The following MLLT1 variants were observed in gnomAD, a reference collection of about 807,000 sequenced individuals.
MLLT1 encodes protein ENL.
Under a neutral mutation model 55.1 loss-of-function variants are expected in MLLT1, and 11 were observed. The observed-to-expected ratio is 0.20, with a 90% confidence interval of 0.13 to 0.33. The LOEUF is 0.33. MLLT1 is among the 10% of genes least tolerant of loss of function. MLLT1 has a pLI of 1.00. For missense variants in MLLT1, 536 were observed against 760.6 expected (o/e 0.70, Z 3.47); for synonymous variants, 323 against 320.1 (o/e 1.01, Z -0.10).
At chr19:6,217,835 T>C (rs1021524431) in intron 7 of MLLT1, 119 bp downstream of exon 7, 18 of 1,412,534 alleles carry the variant, frequency 1.3e-5, no homozygotes, top group African/African-American at 4.4e-5. Flanking sequence ...AAACCCTCCA[T>C]GTACAGATCT....
chr19:6,225,315 G>T (rs1418001846), intron 5 of MLLT1, among the ~76,000 whole-genome samples: 2 of 152,198 alleles, frequency 1.3e-5, no homozygotes, highest in East Asian at 3.9e-4. Flanking sequence ...GGCCCCAAAA[G>T]GCCCACCTAT....
intron 5 of MLLT1, among the ~76,000 whole-genome samples, chr19:6,224,924 T>C (rs576321147): frequency 1.3e-5 from 2 of 152,158 alleles, no homozygotes; most frequent in South Asian, 4.2e-4. Flanking sequence ...AGAGACGGGG[T>C]TTCACCGTGT....
rs1334749901 is a variant in MLLT1, at chr19:6,256,099, C to T, written c.276+6129G>A. Among the ~76,000 whole-genome samples, 2 of 152,056 alleles carry T rather than the reference C, an allele frequency of 1.3e-5. No homozygotes were observed. The highest frequency in any genetic ancestry group is 3.9e-4 in the East Asian group (2 of 5,178). ...AGACACGGTGGCAGGCACCTGTAAT[C>T]CCAGCTATTCAGGAGGCTGAGGCAG... On this transcript the variant is annotated intron_variant, in intron 3 of 11. Transcript: ENST00000252674. The surrounding 1 kb of genome is among the most constrained non-coding windows in gnomAD (Gnocchi z 4.1).
chr19:6,268,261 C>T (rs938419593), intron 2 of MLLT1, among the ~76,000 whole-genome samples: 9 of 152,156 alleles, frequency 5.9e-5, no homozygotes, highest in Non-Finnish European at 1.0e-4. Context: ...ACAAAGACAA[C>T]CAACGCAAAA....
At chr19:6,260,563 A>G (rs1379555408) in intron 3 of MLLT1, among the ~76,000 whole-genome samples, 1 of 152,268 alleles carries the variant, frequency 6.6e-6, no homozygotes, top group Non-Finnish European at 1.5e-5. Context: ...CGGGCAGCCC[A>G]CGGCGGAGCC....
chr19:6,262,750 T>C lies in MLLT1; in HGVS notation c.194-440A>G, dbSNP rs893411552. ...ACCTCCAGCACGGGGGCTGAGCACC[T>C]GCTGCACCACGGACACATGCACTGG... On this transcript the variant is annotated intron_variant, in intron 2 of 11. Coordinates refer to ENST00000252674, the MANE Select transcript of MLLT1 (RefSeq NM_005934.4). This position sits in a 1 kb window ranked among gnomAD's most constrained non-coding sequence, Gnocchi z 4.4. 6.6e-6 allele frequency among the ~76,000 whole-genome samples: 1 copy of C among 152,128 alleles called. No homozygotes were observed.
chr19:6,274,226 G>C (rs540866693), intron 1 of MLLT1, among the ~76,000 whole-genome samples: 1 of 152,264 alleles, frequency 6.6e-6, no homozygotes, highest in Non-Finnish European at 1.5e-5. Flanking sequence ...AGTCTCTGCT[G>C]TTGTAGTAAA....
At chr19:6,250,401 G>A (rs1011897939) in intron 3 of MLLT1, among the ~76,000 whole-genome samples, 5 of 152,200 alleles carry the variant, frequency 3.3e-5, no homozygotes, top group African/African-American at 1.2e-4. Context: ...ATATGACCCA[G>A]CAATTCCACT....
Position 6,247,904 on chromosome 19 carries a change from T to TTTG in MLLT1, c.276+14321_276+14323dup, listed in dbSNP as rs1568288714. Among the ~76,000 whole-genome samples, 367 of 134,432 alleles carry TTTG rather than the reference T, an allele frequency of 2.7e-3. 5 individuals are homozygous for TTTG. The highest frequency in any genetic ancestry group is 0.011 in the African/African-American group (348 of 32,828). 88.2% of individuals were successfully genotyped at this position (134,432 alleles called of 152,430 possible). A position where few individuals can be genotyped will look rare whatever the true frequency, so the allele number is the denominator to read the frequency against. On this transcript the variant is annotated intron_variant, in intron 3 of 11. Coordinates refer to ENST00000252674, the MANE Select transcript of MLLT1 (RefSeq NM_005934.4). ...TGTTTGTTTGTTTGTTTGTTTGTTTTTTGTGAGACAGAGTCTCACTCTGTG... is the reference window on the plus strand; with the variant it reads ...TGTTTGTTTGTTTGTTTGTTTGTTTTTTGTTGTGAGACAGAGTCTCACTCTGTG...
chr19:6,269,888 G>A (rs1213480582), intron 2 of MLLT1, among the ~76,000 whole-genome samples: 1 of 152,174 alleles, frequency 6.6e-6, no homozygotes, highest in Non-Finnish European at 1.5e-5. Flanking sequence ...GCGACTCAGC[G>A]GTAAGAAAAG....
rs534803451 is a variant in MLLT1, at chr19:6,240,224, G to A, written c.277-9511C>T. ...AGGCCAGGGAGACCCCAGAGGCCCCGCCCCCTCCCACACATGTGCTCAGGG... is the reference window on the plus strand; with the variant it reads ...AGGCCAGGGAGACCCCAGAGGCCCCACCCCCTCCCACACATGTGCTCAGGG... On this transcript the variant is annotated intron_variant, in intron 3 of 11. Coordinates refer to ENST00000252674, the MANE Select transcript of MLLT1 (RefSeq NM_005934.4). The surrounding 1 kb of genome is among the most constrained non-coding windows in gnomAD (Gnocchi z 4.7). Among the ~76,000 whole-genome samples, 51 of 152,270 alleles carry A rather than the reference G, an allele frequency of 3.3e-4. No individual in the cohort carries two copies. The South Asian group carries it at 0.01, about 31-fold the overall frequency.
At position 6,216,430 on chromosome 19, in the gene MLLT1, T is replaced by C; in HGVS notation, c.1282A>G (p.Lys428Glu). The C allele has an allele frequency of 6.2e-7, 1 of 1,608,646 alleles. No homozygotes were observed. ...CTGGAGTCCCTCCCCGGGTTGGTCTTGCCGGCAGCCTCCTCGCCTGACGAA... is the reference window on the plus strand; with the variant it reads ...CTGGAGTCCCTCCCCGGGTTGGTCTCGCCGGCAGCCTCCTCGCCTGACGAA... ...DSSSGEEAAG[K>E]TNPGRDSRLS... is the part of the protein sequence containing the mutation. The change falls in exon 8 of 12, where the codon AAG becomes GAG. Residue 428 changes from lysine (K) to glutamate (E), a missense_variant. Physicochemically the swap from Lys to Glu is moderately conservative, Grantham distance 56. This residue lies in a region of MLLT1 where 449 missense variants were observed against 489.0 expected (regional missense o/e 0.92). Transcript: ENST00000252674.
At chr19:6,237,486 G>A (rs559839364) in intron 3 of MLLT1, among the ~76,000 whole-genome samples, 35 of 152,156 alleles carry the variant, frequency 2.3e-4, no homozygotes, top group Admixed American at 1.8e-3. Context: ...GGCCAGGCGC[G>A]GTGGCTCACG....
chr19:6,266,801 C>T (rs2091352576), intron 2 of MLLT1, among the ~76,000 whole-genome samples: 1 of 152,122 alleles, frequency 6.6e-6, no homozygotes, highest in Non-Finnish European at 1.5e-5. Context: ...TGAGACACTG[C>T]TCTACCAAAA....
At chr19:6,243,839 C>A (rs370867192) in intron 3 of MLLT1, among the ~76,000 whole-genome samples, 1 of 152,002 alleles carries the variant, frequency 6.6e-6, no homozygotes, top group African/African-American at 2.4e-5. Flanking sequence ...GTCAGGAAAC[C>A]GAGACCATCC....
chr19:6,260,965 C>T (rs543072225), intron 3 of MLLT1, among the ~76,000 whole-genome samples: 2 of 152,352 alleles, frequency 1.3e-5, no homozygotes, highest in Admixed American at 1.3e-4. Flanking sequence ...TCCCACAGCC[C>T]ACCCGCTAGA....
chr19:6,261,195 G>C (rs551247629), intron 3 of MLLT1, among the ~76,000 whole-genome samples: 4 of 152,300 alleles, frequency 2.6e-5, no homozygotes, highest in Admixed American at 2.0e-4. Flanking sequence ...AGGCAGGTTC[G>C]GCTCTTCTCC....
chr19:6,246,424 C>T (rs2091169384), intron 3 of MLLT1, among the ~76,000 whole-genome samples: 2 of 152,218 alleles, frequency 1.3e-5, no homozygotes, highest in Admixed American at 6.5e-5. Context: ...AACCGTAAGG[C>T]ACCCATGCAG....
chr19:6,248,468 C>T (rs2091186859), intron 3 of MLLT1, among the ~76,000 whole-genome samples: 2 of 152,184 alleles, frequency 1.3e-5, no homozygotes, highest in Admixed American at 1.3e-4. Context: ...CAAGGTCAAC[C>T]TCGGCTGTTA....
Sources: gnomAD v4.1 joint callset for allele counts (sites outside exome capture counted in the v4.1 genomes callset) on GRCh38, gnomAD v4.1.1 for gene constraint, gnomAD v4.1.1 regional missense constraint, Gnocchi (gnomAD v3.1) non-coding constraint, MANE v1.5 for transcripts, NCBI Gene and HGNC (gene_info 2026-07-23, HGNC 2026-07-21) for gene names.